FXR1: variants seen among roughly 807,000 people sequenced by gnomAD.
FXR1 encodes the protein RNA-binding protein FXR1.
A neutral mutation model predicts 84.0 loss-of-function variants in FXR1; 15 were observed. The ratio of observed to expected loss-of-function variants is 0.18; its 90% confidence interval spans 0.12 to 0.27. FXR1 has a LOEUF of 0.27. FXR1 is among the 10% of genes least tolerant of loss of function. The pLI is 1.00. For missense variants in FXR1, 480 were observed against 774.4 expected (o/e 0.62, Z 4.51); for synonymous variants, 245 against 250.7 (o/e 0.98, Z 0.21).
chr3:180,950,475 C>T (rs1461247476), intron 7 of FXR1, among the ~76,000 whole-genome samples: 3 of 151,682 alleles, frequency 2.0e-5, no homozygotes, highest in African/African-American at 7.3e-5. Context: ...GTGGTTTTTT[C>T]TTCTTGGGTT....
chr3:180,945,484 A>G lies in FXR1; in HGVS notation c.199-2381A>G, dbSNP rs867602826. On this transcript the variant is annotated intron_variant, in intron 3 of 16. Coordinates refer to ENST00000357559, the MANE Select transcript of FXR1 (RefSeq NM_005087.4). ...TAGTGGTACAATCTTGGCTCACTGC[A>G]GTCTCAACTTCCCAGGCTCCAGCAA... Among the ~76,000 whole-genome samples the G allele has an allele frequency of 3.3e-5, 5 of 152,290 alleles. No individual in the cohort carries two copies. In the South Asian group the frequency reaches 8.3e-4, roughly 25 times the overall value.
At chr3:180,946,479 G>GT (rs1443461028) in intron 3 of FXR1, among the ~76,000 whole-genome samples, 1 of 152,100 alleles carries the variant, frequency 6.6e-6, no homozygotes, top group Non-Finnish European at 1.5e-5. Flanking sequence ...AAACTTTCTT[G>GT]TTTTTTGGAA....
At chr3:180,974,672 T>TG (rs1714003108) in intron 15 of FXR1, among the ~76,000 whole-genome samples, 1 of 152,148 alleles carries the variant, frequency 6.6e-6, no homozygotes. Context: ...GAATACACTC[T>TG]GGACCTTTTC....
At chr3:180,929,195 G>A (rs968616099) in intron 1 of FXR1, among the ~76,000 whole-genome samples, 5 of 152,060 alleles carry the variant, frequency 3.3e-5, no homozygotes, top group Admixed American at 6.6e-5. Flanking sequence ...GTGAGCCACC[G>A]CGCCCGGCCT....
chr3:180,968,983 C>T (rs747126213), intron 14 of FXR1, among the ~76,000 whole-genome samples: 9 of 152,092 alleles, frequency 5.9e-5, no homozygotes, highest in African/African-American at 1.4e-4. Context: ...TTAAGAAACC[C>T]GCACCTTCCT....
At chr3:180,973,348 A>G (rs779115112) in intron 15 of FXR1, among the ~76,000 whole-genome samples, 1 of 152,212 alleles carries the variant, frequency 6.6e-6, no homozygotes, top group African/African-American at 2.4e-5. Context: ...TGTTTCAACA[A>G]TGTGTTAGGT....
chr3:180,924,525 T>TA (rs1422177025), intron 1 of FXR1, among the ~76,000 whole-genome samples: 1 of 152,230 alleles, frequency 6.6e-6, no homozygotes, highest in Non-Finnish European at 1.5e-5. Flanking sequence ...AGATTCTGAC[T>TA]GTGGACGTGT....
chr3:180,958,957 G>A (rs1050568021), intron 10 of FXR1, among the ~76,000 whole-genome samples: 19 of 151,862 alleles, frequency 1.3e-4, no homozygotes, highest in Middle Eastern at 3.4e-3. Context: ...ACAGGTGTGC[G>A]CCATCACGCC....
At chr3:180,969,128 GTTCT>G (rs1367033715) in intron 14 of FXR1, among the ~76,000 whole-genome samples, 1 of 146,290 alleles carries the variant, frequency 6.8e-6, no homozygotes, top group Non-Finnish European at 1.5e-5. Flanking sequence ...TTAGGAACTT[GTTCT>G]TTGTTTGTTT....
At chr3:180,969,174 T>G (rs1713221020) in intron 14 of FXR1, among the ~76,000 whole-genome samples, 1 of 152,234 alleles carries the variant, frequency 6.6e-6, no homozygotes, top group Non-Finnish European at 1.5e-5. Flanking sequence ...TAATACTCTT[T>G]GAGCCTTAAG....
Position 180,967,775 on chromosome 3 carries a change from G to A in FXR1, c.1199-276G>A, listed in dbSNP as rs529854803. Among the ~76,000 whole-genome samples the A allele has an allele frequency of 2.0e-5, 3 of 151,946 alleles. No homozygotes were observed. In the South Asian group the frequency reaches 6.3e-4, roughly 32 times the overall value. On this transcript the variant is annotated intron_variant, in intron 13 of 16. Transcript: ENST00000357559. ...CACATCTTAGCAGACTGCAGTGAGGGATTCTTCTGCTGGTTTTGAAGAAGT... is the reference window on the plus strand; with the variant it reads ...CACATCTTAGCAGACTGCAGTGAGGAATTCTTCTGCTGGTTTTGAAGAAGT...
chr3:180,957,950 T>G (rs1011934094), intron 10 of FXR1, 22 bp downstream of exon 10: 1 of 1,099,594 alleles, frequency 9.1e-7, no homozygotes, highest in Admixed American at 2.1e-5. Flanking sequence ...AAATGTAATC[T>G]GCCTCTTTAA....
chr3:180,930,777 A>G (rs1009739996), intron 1 of FXR1, among the ~76,000 whole-genome samples: 4 of 152,074 alleles, frequency 2.6e-5, no homozygotes, highest in African/African-American at 4.8e-5. Flanking sequence ...GCTCATGCCT[A>G]TAATCTCAGC....
At chr3:180,920,889 G>C (rs951252863) in intron 1 of FXR1, among the ~76,000 whole-genome samples, 5 of 152,100 alleles carry the variant, frequency 3.3e-5, no homozygotes, top group Non-Finnish European at 7.3e-5. Flanking sequence ...ACATACAAAT[G>C]GGTGAACCTA....
At chr3:180,949,643 C>G (rs1722021703) in intron 7 of FXR1, among the ~76,000 whole-genome samples, 1 of 152,216 alleles carries the variant, frequency 6.6e-6, no homozygotes, top group African/African-American at 2.4e-5. Context: ...CTCAGCCTCT[C>G]AAAGTGCTGG....
chr3:180,935,816 G>A (rs1475856948), intron 3 of FXR1, among the ~76,000 whole-genome samples: 1 of 152,190 alleles, frequency 6.6e-6, no homozygotes, highest in Non-Finnish European at 1.5e-5. Flanking sequence ...GTTCTTTCAG[G>A]CTTGTCTCAG....
intron 1 of FXR1, among the ~76,000 whole-genome samples, chr3:180,924,344 A>G (rs1718925537): frequency 6.6e-6 from 1 of 152,188 alleles, no homozygotes; most frequent in Non-Finnish European, 1.5e-5. Flanking sequence ...TTCTAGATAT[A>G]TGTGAGAGAA....
rs1719969125 is a variant in FXR1, at chr3:180,931,970, A to G, written c.52-1364A>G. On this transcript the variant is annotated intron_variant, in intron 1 of 16. Transcript: ENST00000357559. ...TGCCTAGGATGGTCTCGAACTCTTG[A>G]GCTCAAGGTGTCCGCCTTTCTTGTT... is the stretch of plus-strand genomic sequence containing the variant. Among the ~76,000 whole-genome samples, 3 of 145,486 alleles carry G rather than the reference A, an allele frequency of 2.1e-5. No homozygotes were observed. In the East Asian group the frequency reaches 6.3e-4, roughly 30 times the overall value.
At chr3:180,963,950 AC>A (rs747270592) in intron 13 of FXR1, among the ~76,000 whole-genome samples, 197 of 152,270 alleles carry the variant, frequency 1.3e-3, no homozygotes, top group Non-Finnish European at 1.3e-3. Context: ...GAAATATAAA[AC>A]CTTTTCCAAA....
Sources: allele counts gnomAD v4.1 joint callset (sites outside exome capture counted in the v4.1 genomes callset), GRCh38; gene constraint gnomAD v4.1.1; transcripts MANE v1.5; gene names NCBI Gene and HGNC (gene_info 2026-07-23, HGNC 2026-07-21).